The following ERICH1 variants were observed in gnomAD, a reference collection of about 807,000 sequenced individuals.
ERICH1 encodes glutamate rich 1.
In ERICH1, 56 loss-of-function variants were observed where a neutral mutation model predicts 39.6. The ratio of observed to expected loss-of-function variants is 1.41; its 90% CI spans 1.14 to 1.77. The LOEUF (loss-of-function observed/expected upper bound fraction) is 1.77. ERICH1 is among the 40% of genes most tolerant of loss of function. ERICH1 has a pLI of 0.00. For synonymous variants in ERICH1, 313 were observed against 223.6 expected (o/e 1.40, Z -3.57); for missense variants, 826 against 575.4 (o/e 1.44, Z -4.45).
Position 724,154 on chromosome 8 carries a change from G to A in ERICH1, c.22+6986C>T, listed in dbSNP as rs553883105. Among the ~76,000 whole-genome samples, 11 of 152,216 alleles carry A rather than the reference G, an allele frequency of 7.2e-5. 1 individual carries two copies. In the South Asian group the frequency reaches 1.2e-3, roughly 17 times the overall value. On this transcript the variant is annotated intron_variant, in intron 1 of 5. Coordinates refer to ENST00000262109, the MANE Select transcript of ERICH1 (RefSeq NM_207332.3). ...GACCGATCTGACATGGGATCCTCAC[G>A]TAGGAGGTGAAAATACACCAAATGA...
At chr8:670,868 GCCCAC>G (rs1803145052) in intron 4 of ERICH1, among the ~76,000 whole-genome samples, 1 of 151,440 alleles carries the variant, frequency 6.6e-6, no homozygotes, top group African/African-American at 2.4e-5. Flanking sequence ...CGACCTCTGA[GCCCAC>G]CGGTCCCCAG....
At chr8:696,263 A>C (rs1239297950) in intron 2 of ERICH1, among the ~76,000 whole-genome samples, 1 of 40,252 alleles carries the variant, frequency 2.5e-5, no homozygotes, top group Non-Finnish European at 4.4e-5. Flanking sequence ...CTTCCTCCCC[A>C]TCAGCCTGCG....
chr8:713,859 C>T (rs576031728), intron 2 of ERICH1, among the ~76,000 whole-genome samples: 1 of 152,306 alleles, frequency 6.6e-6, no homozygotes, highest in Non-Finnish European at 1.5e-5. Context: ...ACGAACGAGA[C>T]CCCCAGAAAT....
Position 645,782 on chromosome 8 carries a change from C to T in ERICH1, c.976+22816G>A, listed in dbSNP as rs1799456195. 2.9e-5 allele frequency among the ~76,000 whole-genome samples: 2 copies of T among 69,686 alleles called. 1 individual carries two copies. The highest frequency in any genetic ancestry group is 1.1e-3 in the South Asian group (2 of 1,852). The allele number at this position is 69,686 out of a possible 152,430, so 45.7% of individuals were successfully genotyped here. ...GGGATTACAGGCGTGAGCCACGGTG[C>T]CCAGCCCAGAAATCTGAATTTCTAG... On this transcript the variant is annotated intron_variant, in intron 3 of 3. Coordinates refer to the ERICH1 transcript ENST00000522706.
At chr8:671,291 G>A (rs1395408020) in intron 4 of ERICH1, among the ~76,000 whole-genome samples, 1 of 149,386 alleles carries the variant, frequency 6.7e-6, no homozygotes, top group Non-Finnish European at 1.5e-5. Flanking sequence ...TGGTCCCCAG[G>A]CTCCGACCTC....
intron 3 of ERICH1, among the ~76,000 whole-genome samples, chr8:676,723 C>G (rs1437524765): frequency 6.6e-6 from 1 of 152,194 alleles, no homozygotes; most frequent in Non-Finnish European, 1.5e-5. Context: ...GCGTCTGTGC[C>G]ACGGCCGGCA....
At chr8:676,620 T>C (rs1369987991) in intron 3 of ERICH1, among the ~76,000 whole-genome samples, 2 of 152,058 alleles carry the variant, frequency 1.3e-5, no homozygotes, top group Admixed American at 1.3e-4. Flanking sequence ...ACAGAGGGTG[T>C]GTGCAGGCCA....
chr8:650,879 T>C lies in ERICH1; in HGVS notation c.976+17719A>G, dbSNP rs753386567. Among the ~76,000 whole-genome samples the C allele has an allele frequency of 2.8e-4, 42 of 152,298 alleles. 1 individual carries two copies. Among genetic ancestry groups the C allele is most frequent in the Admixed American group, 1.4e-3 (21 of 15,300 alleles). ...GTCCGACTGAGAGCCCTGGAGTGTG[T>C]TATCCCAGGAGAGCTCCTTGAGTGT... is the stretch of plus-strand genomic sequence containing the variant. On this transcript the variant is annotated intron_variant, in intron 3 of 3. Coordinates refer to the ERICH1 transcript ENST00000522706.
chr8:654,929 C>T (rs1800430535), intron 3 of ERICH1, among the ~76,000 whole-genome samples: 1 of 152,234 alleles, frequency 6.6e-6, no homozygotes, highest in Admixed American at 6.5e-5. Flanking sequence ...AATGGCTTTG[C>T]TTGCGGTGAC....
At chr8:675,990 GAC>G (rs1585208915) in intron 3 of ERICH1, among the ~76,000 whole-genome samples, 1 of 1,000 alleles carries the variant, frequency 1.0e-3, no homozygotes, top group African/African-American at 6.8e-3. Context: ...TGAGGACAGA[GAC>G]GCGGCGCCCC....
chr8:641,644 G>A (rs1338401880), intron 3 of ERICH1, among the ~76,000 whole-genome samples: 1 of 152,212 alleles, frequency 6.6e-6, no homozygotes, highest in South Asian at 2.1e-4. Context: ...GTGTCTGAGC[G>A]TGATCTAATC....
At chr8:699,691 TCACA>T (rs1411585913) in intron 2 of ERICH1, among the ~76,000 whole-genome samples, 3 of 121,288 alleles carry the variant, frequency 2.5e-5, no homozygotes, top group Non-Finnish European at 3.4e-5. Flanking sequence ...GTGCACAGAC[TCACA>T]CAGGCGCACA....
At chr8:724,499 T>A (rs1259000215) in intron 1 of ERICH1, among the ~76,000 whole-genome samples, 4 of 152,044 alleles carry the variant, frequency 2.6e-5, no homozygotes, top group African/African-American at 9.7e-5. Context: ...GCCCAGGGGC[T>A]TCCGGAGAGG....
chr8:636,270 C>G (rs1274081791), intron 3 of ERICH1, among the ~76,000 whole-genome samples: 2 of 152,228 alleles, frequency 1.3e-5, no homozygotes, highest in Admixed American at 1.3e-4. Context: ...AGCTCAGCTG[C>G]GTGGCCACGT....
chr8:708,681 G>GTTTTTTGTTTTTTTGTTTTTTTTTTTT, intron 2 of ERICH1, among the ~76,000 whole-genome samples: 1 of 65,816 alleles, frequency 1.5e-5, no homozygotes, highest in Non-Finnish European at 3.0e-5. Flanking sequence ...GGGATAATGA[G>GTTTTTTGTTTTTTTGTTTTTTTTTTTT]TTTTTTTTTT....
chr8:674,162 A>C, intron 3 of ERICH1, 115 bp from the exon 4 acceptor site: 1 of 1,220,964 alleles, frequency 8.2e-7, no homozygotes, highest in Non-Finnish European at 1.1e-6. Flanking sequence ...AAGAGTTTAC[A>C]CTATTTACTT....
downstream of ERICH1, among the ~76,000 whole-genome samples, chr8:661,647 CA>C (rs1240016153): frequency 6.6e-6 from 1 of 152,182 alleles, no homozygotes; most frequent in Non-Finnish European, 1.5e-5. Context: ...GTGGAATAAA[CA>C]GATTATCATA....
At chr8:655,205 C>G (rs1294989756) in intron 3 of ERICH1, among the ~76,000 whole-genome samples, 1 of 152,218 alleles carries the variant, frequency 6.6e-6, no homozygotes, top group Non-Finnish European at 1.5e-5. Context: ...CTTCGCCTTT[C>G]TAACAGCAAG....
In ERICH1 at chr8:726,853, G is replaced by A. The variant is rs190665713; in HGVS notation, c.22+4287C>T. Among the ~76,000 whole-genome samples, 247 of 149,754 alleles carry A rather than the reference G, an allele frequency of 1.6e-3. 2 individuals are homozygous for A. The South Asian group carries it at 0.022, about 13-fold the overall frequency. On this transcript the variant is annotated intron_variant, in intron 1 of 5. Transcript: ENST00000262109. ...ACACAGACACCACACAGGCACATAC[G>A]TATGTACACAGATACACATGCACAC... is the stretch of plus-strand genomic sequence containing the variant.
Sources: gnomAD v4.1 joint callset for allele counts (sites outside exome capture counted in the v4.1 genomes callset) on GRCh38, gnomAD v4.1.1 for gene constraint, MANE v1.5 for transcripts, NCBI Gene and HGNC (gene_info 2026-07-23, HGNC 2026-07-21) for gene names.